Variants in EZR observed in about 807,000 individuals in gnomAD.
EZR encodes cytovillin 2.
EZR carries 40 observed loss-of-function variants against 74.8 expected under a neutral mutation model. The observed-to-expected ratio is 0.53, with a 90% CI of 0.42 to 0.70. The LOEUF (loss-of-function observed/expected upper bound fraction) is 0.70. EZR is among the 30% of genes least tolerant of loss of function. The pLI, the probability that EZR is intolerant of heterozygous loss-of-function variation, is 0.00. For missense variants in EZR, 678 were observed against 755.8 expected (o/e 0.90, Z 1.21); for synonymous variants, 341 against 283.3 (o/e 1.20, Z -2.05).
chr6:158,780,503 G>A (rs143687019), intron 7 of EZR, among the ~76,000 whole-genome samples: 9 of 152,144 alleles, frequency 5.9e-5, no homozygotes, highest in Non-Finnish European at 1.3e-4. Context: ...AGCAAGCGAA[G>A]CCCTGAGTAC....
rs764623941 is a variant in EZR at position 158,818,106 on chromosome 6, G to C, written c.-13C>G. The C allele has an allele frequency of 2.5e-5, 41 of 1,608,032 alleles. No individual in the cohort carries two copies. The highest frequency in any genetic ancestry group is 3.1e-5 in the Non-Finnish European group (36 of 1,176,026). Reference sequence around the variant, plus strand: ...CTGGTTTCGGCATTTTCGGTTTCTGGTGAGTATCCTCGATCCCCGAAAACA... The same window carrying C: ...CTGGTTTCGGCATTTTCGGTTTCTGCTGAGTATCCTCGATCCCCGAAAACA... On this transcript the variant is annotated 5_prime_UTR_variant, in exon 2 of 14. Coordinates refer to ENST00000367075, the MANE Select transcript of EZR (RefSeq NM_001111077.2).
chr6:158,777,235 A>G (rs1791305095), intron 7 of EZR, among the ~76,000 whole-genome samples: 1 of 152,228 alleles, frequency 6.6e-6, no homozygotes, highest in African/African-American at 2.4e-5. Flanking sequence ...AAACGGACAG[A>G]GGCCTTGCTA....
At position 158,807,084 on chromosome 6, in the gene EZR, G is replaced by T. The variant is rs542118263; in HGVS notation, c.12+10998C>A. 2.4e-3 allele frequency among the ~76,000 whole-genome samples: 364 copies of T among 152,176 alleles called. 2 individuals carry two copies. Among genetic ancestry groups the T allele is most frequent in the African/African-American group, 7.8e-3 (324 of 41,522 alleles). ...TCCCAGCACTTTGGGAGGCTGAGGC[G>T]GGCGGATCATGAGGTCAGGAGATCA... On this transcript the variant is annotated intron_variant, in intron 2 of 13. Transcript: ENST00000367075.
Position 158,766,082 on chromosome 6 carries a change from C to T in EZR, c.*832G>A, listed in dbSNP as rs903347481. On this transcript the variant is annotated 3_prime_UTR_variant, in exon 14 of 14. Coordinates refer to ENST00000367075, the MANE Select transcript of EZR (RefSeq NM_001111077.2). ...TGACTGCAGCAGGCAGGTCCAGCTCCACCACTGCCCTCCTGCCACATCACA... is the reference window on the plus strand; with the variant it reads ...TGACTGCAGCAGGCAGGTCCAGCTCTACCACTGCCCTCCTGCCACATCACA... The T allele has an allele frequency of 3.3e-5, 5 of 152,634 alleles. No individual in the cohort carries two copies. Among genetic ancestry groups the T allele is most frequent in the African/African-American group, 4.8e-5 (2 of 41,444 alleles). The allele number at this position is 152,634 out of a possible 1,614,324, so 9.5% of individuals were successfully genotyped here. A position where few individuals can be genotyped will look rare whatever the true frequency, so the allele number is the denominator to read the frequency against.
chr6:158,814,759 T>C (rs1304384819), intron 2 of EZR, among the ~76,000 whole-genome samples: 1 of 152,072 alleles, frequency 6.6e-6, no homozygotes, highest in East Asian at 1.9e-4. Context: ...ACCAGGATAG[T>C]CTTGATCTCT....
chr6:158,777,753 G>C (rs796123316), intron 7 of EZR, among the ~76,000 whole-genome samples: 12 of 152,272 alleles, frequency 7.9e-5, no homozygotes, highest in African/African-American at 2.9e-4. Flanking sequence ...GGGCAAACAT[G>C]TAAGCCTGAC....
At chr6:158,806,039 C>T (rs1210127066) in intron 2 of EZR, among the ~76,000 whole-genome samples, 1 of 152,196 alleles carries the variant, frequency 6.6e-6, no homozygotes, top group African/African-American at 2.4e-5. Flanking sequence ...CCTATGGGCC[C>T]CCCAAAACAT....
chr6:158,795,874 A>G (rs541875145), intron 2 of EZR, among the ~76,000 whole-genome samples: 1 of 152,252 alleles, frequency 6.6e-6, no homozygotes, highest in African/African-American at 2.4e-5. Context: ...TGGGTTTGAG[A>G]GCTAGCTCTG....
intron 2 of EZR, among the ~76,000 whole-genome samples, chr6:158,815,352 T>C (rs3102967): frequency 0.53 from 80,105 of 152,062 alleles, 22,023 homozygotes; most frequent in Non-Finnish European, 0.61. Flanking sequence ...CTAATATAAT[T>C]TACACACAGA....
At chr6:158,801,123 TTTAA>T (rs1303221202) in intron 2 of EZR, among the ~76,000 whole-genome samples, 3 of 152,134 alleles carry the variant, frequency 2.0e-5, no homozygotes, top group African/African-American at 7.2e-5. Flanking sequence ...ACCCTGTCTT[TTTAA>T]TTTTTTTTGA....
chr6:158,812,600 A>T (rs1377576193), intron 2 of EZR, among the ~76,000 whole-genome samples: 2 of 152,218 alleles, frequency 1.3e-5, no homozygotes, highest in Non-Finnish European at 2.9e-5. Context: ...TTGGATTTAA[A>T]AATAACGTAG....
At chr6:158,788,638 T>G (rs1026668715) in intron 3 of EZR, among the ~76,000 whole-genome samples, 1 of 138,994 alleles carries the variant, frequency 7.2e-6, no homozygotes, top group Non-Finnish European at 1.6e-5. Flanking sequence ...CAGAGTGAGA[T>G]TCAGTCTCAA....
At chr6:158,815,282 A>G (rs1777530637) in intron 2 of EZR, among the ~76,000 whole-genome samples, 2 of 152,216 alleles carry the variant, frequency 1.3e-5, no homozygotes, top group African/African-American at 2.4e-5. Context: ...AGCCTTAAGA[A>G]ATGTCATATT....
intron 7 of EZR, among the ~76,000 whole-genome samples, chr6:158,779,294 CAA>C (rs918829419): frequency 6.6e-6 from 1 of 151,912 alleles, no homozygotes; most frequent in Non-Finnish European, 1.5e-5. Context: ...AAGGTCATGA[CAA>C]AAAAAGACTG....
intron 2 of EZR, among the ~76,000 whole-genome samples, chr6:158,817,541 A>G (rs1777584978): frequency 6.6e-6 from 1 of 152,242 alleles, no homozygotes; most frequent in Admixed American, 6.5e-5. Context: ...GCAGCCAGCA[A>G]GTTTGCTGGT....
chr6:158,778,992 A>G (rs1035980553), intron 7 of EZR, among the ~76,000 whole-genome samples: 2 of 152,238 alleles, frequency 1.3e-5, no homozygotes, highest in African/African-American at 2.4e-5. Context: ...GAACTAGGAC[A>G]TCTACATAGT....
At chr6:158,787,083 C>CT in intron 4 of EZR, 25 bp downstream of exon 4, 1 of 1,586,166 alleles carries the variant, frequency 6.3e-7, no homozygotes. Context: ...AATCCACAGC[C>CT]TGTAAATAGT....
intron 2 of EZR, among the ~76,000 whole-genome samples, chr6:158,817,630 C>T (rs1777586935): frequency 6.6e-6 from 1 of 152,190 alleles, no homozygotes; most frequent in Non-Finnish European, 1.5e-5. Flanking sequence ...CTCTCCCAAA[C>T]GCCCTTTAAT....
intron 12 of EZR, 34 bp from the exon 13 acceptor site, chr6:158,767,546 C>T: frequency 6.5e-7 from 1 of 1,541,388 alleles, no homozygotes; most frequent in African/African-American, 1.4e-5. Flanking sequence ...GGACTTCTCA[C>T]CCAGAAGTCC....
Sources: allele counts gnomAD v4.1 joint callset (sites outside exome capture counted in the v4.1 genomes callset), GRCh38; gene constraint gnomAD v4.1.1; transcripts MANE v1.5; gene names NCBI Gene and HGNC (gene_info 2026-07-23, HGNC 2026-07-21).